Variants in CDK19 observed in about 807,000 individuals in gnomAD.
The protein encoded by CDK19 is cyclin-dependent kinase 19.
A neutral mutation model predicts 68.3 loss-of-function variants in CDK19; 20 were observed. The observed-to-expected ratio is 0.29, with a 90% CI of 0.21 to 0.43. The LOEUF is 0.43. Ranked by LOEUF, CDK19 falls within the 20% of genes least tolerant of loss-of-function variation. The pLI, the probability that CDK19 is intolerant of heterozygous loss-of-function variation, is 1.00. For synonymous variants in CDK19, 221 were observed against 222.8 expected, an observed-to-expected ratio of 0.99 and a Z score of 0.07; for missense variants, 339 against 623.5, an observed-to-expected ratio of 0.54 and a Z score of 4.86.
Position 110,641,644 on chromosome 6 carries a change from A to AG in CDK19, c.457-2939dup, listed in dbSNP as rs1183695336. Among the ~76,000 whole-genome samples, 225 of 134,996 alleles carry AG rather than the reference A, an allele frequency of 1.7e-3. 1 individual carries two copies. Among genetic ancestry groups the AG allele is most frequent in the African/African-American group, 6.6e-3 (220 of 33,124 alleles). 88.6% of individuals were successfully genotyped at this position (134,996 alleles called of 152,430 possible). A position where few individuals can be genotyped will look rare whatever the true frequency, so the allele number is the denominator to read the frequency against. On this transcript the variant is annotated intron_variant, in intron 4 of 12. Coordinates refer to ENST00000368911, the MANE Select transcript of CDK19 (RefSeq NM_015076.5). ...AAGGAGAGGAAAGGAGGAAAGGGAA[A>AG]GAAAGGAAGGAAGGAAGGAAGGAAG...
intron 1 of CDK19, among the ~76,000 whole-genome samples, chr6:110,768,618 A>C (rs1464821695): frequency 4.6e-5 from 7 of 152,144 alleles, no homozygotes; most frequent in Non-Finnish European, 8.8e-5. Flanking sequence ...TACAAAGTGC[A>C]AGAAGCCAAC....
intron 4 of CDK19, among the ~76,000 whole-genome samples, chr6:110,661,395 T>C (rs1302821282): frequency 1.3e-5 from 2 of 152,246 alleles, no homozygotes; most frequent in Non-Finnish European, 2.9e-5. Flanking sequence ...AATTGGGGAA[T>C]ATCTGTACTT....
intron 1 of CDK19, among the ~76,000 whole-genome samples, chr6:110,794,555 C>T: frequency 6.6e-6 from 1 of 151,616 alleles, no homozygotes; most frequent in East Asian, 2.0e-4. Context: ...GCGCCCACCA[C>T]CACGTCCAGC....
At chr6:110,731,245 G>T (rs146645394) in intron 2 of CDK19, among the ~76,000 whole-genome samples, 1 of 152,194 alleles carries the variant, frequency 6.6e-6, no homozygotes, top group Non-Finnish European at 1.5e-5. Flanking sequence ...CAGGTGATAC[G>T]TAGGGCCATA....
chr6:110,759,404 T>TAA (rs1157889434), intron 1 of CDK19, among the ~76,000 whole-genome samples: 755 of 57,182 alleles, frequency 0.013, 29 homozygotes, highest in Non-Finnish European at 0.016. Context: ...GACTCCGTCT[T>TAA]AAAAAAAAAA....
intron 2 of CDK19, among the ~76,000 whole-genome samples, chr6:110,671,133 C>T (rs1770978933): frequency 6.6e-6 from 1 of 151,802 alleles, no homozygotes; most frequent in Non-Finnish European, 1.5e-5. Flanking sequence ...CTTATAAAAA[C>T]TGAAGTTGAG....
intron 3 of CDK19, among the ~76,000 whole-genome samples, chr6:110,669,042 C>G (rs1397646860): frequency 6.6e-6 from 1 of 152,144 alleles, no homozygotes; most frequent in Non-Finnish European, 1.5e-5. Context: ...CAATGTACAA[C>G]ATCATCTTCT....
intron 10 of CDK19, 137 bp from the exon 11 acceptor site, chr6:110,622,303 T>A: frequency 1.6e-6 from 1 of 622,298 alleles, no homozygotes; most frequent in Non-Finnish European, 2.8e-6. Flanking sequence ...AAATCTTGAC[T>A]GCTGCTAGCT....
chr6:110,671,810 C>T (rs1392408198), intron 2 of CDK19, among the ~76,000 whole-genome samples: 2 of 152,002 alleles, frequency 1.3e-5, no homozygotes, highest in Non-Finnish European at 2.9e-5. Context: ...CAGTGTCTTG[C>T]TCTGTTGCCC....
chr6:110,764,980 T>TAAATAAATAAAA (rs1175053312), intron 1 of CDK19, among the ~76,000 whole-genome samples: 1 of 149,750 alleles, frequency 6.7e-6, no homozygotes, highest in East Asian at 1.9e-4. Flanking sequence ...AATAAATAAA[T>TAAATAAATAAAA]AAAAATTTTA....
At chr6:110,776,980 C>T (rs1780442216) in intron 1 of CDK19, among the ~76,000 whole-genome samples, 1 of 152,166 alleles carries the variant, frequency 6.6e-6, no homozygotes, top group Non-Finnish European at 1.5e-5. Flanking sequence ...TGCCCAAAAG[C>T]AAGCAGCCAG....
At chr6:110,697,700 T>G (rs956766100) in intron 2 of CDK19, among the ~76,000 whole-genome samples, 1 of 150,602 alleles carries the variant, frequency 6.6e-6, no homozygotes, top group East Asian at 1.9e-4. Context: ...AGAGCCCACA[T>G]AGCCAAAGCA....
intron 4 of CDK19, among the ~76,000 whole-genome samples, chr6:110,648,538 CTTT>C (rs60624969): frequency 6.7e-5 from 8 of 120,218 alleles, no homozygotes; most frequent in African/African-American, 1.9e-4. Flanking sequence ...TTTTTCTTTT[CTTT>C]TTTTTTTTTT....
At chr6:110,631,918 G>T (rs569633421) in intron 6 of CDK19, 112 bp downstream of exon 6, 1 of 924,960 alleles carries the variant, frequency 1.1e-6, no homozygotes, top group Admixed American at 2.3e-5. Flanking sequence ...AAGACAATAG[G>T]ACTTTTACAA....
At chr6:110,698,918 C>G (rs1420043984) in intron 2 of CDK19, among the ~76,000 whole-genome samples, 1 of 151,824 alleles carries the variant, frequency 6.6e-6, no homozygotes, top group Non-Finnish European at 1.5e-5. Context: ...AAAAAATTAG[C>G]CAGGCATAGT....
chr6:110,729,392 GA>G (rs1776578963), intron 2 of CDK19, among the ~76,000 whole-genome samples: 1 of 152,002 alleles, frequency 6.6e-6, no homozygotes. Context: ...AAGAACAGTG[GA>G]AAAATTAAAC....
chr6:110,811,968 C>T lies in CDK19; in HGVS notation c.128+3041G>A, dbSNP rs1783134722. ...ATCCCAGCATTTTGGGAGGCTGAGACAGGAAGATCACTTGAGCCCAGGAGT... is the reference window on the plus strand; with the variant it reads ...ATCCCAGCATTTTGGGAGGCTGAGATAGGAAGATCACTTGAGCCCAGGAGT... On this transcript the variant is annotated intron_variant, in intron 1 of 12. Coordinates refer to ENST00000368911, the MANE Select transcript of CDK19 (RefSeq NM_015076.5). Among the ~76,000 whole-genome samples the T allele has an allele frequency of 2.0e-5, 3 of 151,002 alleles. No individual in the cohort carries two copies. In the South Asian group the frequency reaches 6.3e-4, roughly 32 times the overall value.
chr6:110,777,737 C>T lies in CDK19; in HGVS notation c.129-31536G>A, dbSNP rs533906514. 8.5e-5 allele frequency among the ~76,000 whole-genome samples: 13 copies of T among 152,286 alleles called. No individual in the cohort carries two copies. The South Asian group carries it at 2.5e-3, about 29-fold the overall frequency. ...ATTCACAGTAGTCAAAATGTGGGAG[C>T]AATCCAAGCTTCCCTTAACGGATGA... On this transcript the variant is annotated intron_variant, in intron 1 of 12. Coordinates refer to ENST00000368911, the MANE Select transcript of CDK19 (RefSeq NM_015076.5).
At chr6:110,668,729 G>A (rs1770736980) in intron 3 of CDK19, among the ~76,000 whole-genome samples, 1 of 151,998 alleles carries the variant, frequency 6.6e-6, no homozygotes, top group South Asian at 2.1e-4. Flanking sequence ...CTACACAGGA[G>A]GCTGAGGCAG....
Sources: gnomAD v4.1 joint callset for allele counts (sites outside exome capture counted in the v4.1 genomes callset) on GRCh38, gnomAD v4.1.1 for gene constraint, MANE v1.5 for transcripts, NCBI Gene and HGNC (gene_info 2026-07-23, HGNC 2026-07-21) for gene names.